The following SLC10A2 variants were observed in gnomAD, a reference collection of about 807,000 sequenced individuals.
SLC10A2 encodes ileal sodium/bile acid cotransporter.
SLC10A2 carries 34 observed loss-of-function variants against 27.1 expected under a neutral mutation model. The observed-to-expected ratio is 1.26, with a 90% CI of 0.96 to 1.67. SLC10A2 has a LOEUF of 1.67. SLC10A2 is among the 40% of genes most tolerant of loss of function. The probability of loss-of-function intolerance (pLI) is 0.00; values close to 1 mark genes in which losing one functional copy is unlikely to be tolerated. For synonymous variants in SLC10A2, 205 were observed against 174.0 expected (o/e 1.18, Z -1.40); for missense variants, 530 against 444.4 (o/e 1.19, Z -1.73).
At position 103,053,004 on chromosome 13, in the gene SLC10A2, C is replaced by T. The variant is rs188107420; in HGVS notation, c.497-296G>A. On this transcript the variant is annotated intron_variant, in intron 2 of 5. Coordinates refer to ENST00000245312, the MANE Select transcript of SLC10A2 (RefSeq NM_000452.3). Reference sequence around the variant, plus strand: ...TAGAGTTTCTTATTTTGCCAGCATACATTAGTTTTAATTTGTCAGAATCTT... The same window carrying T: ...TAGAGTTTCTTATTTTGCCAGCATATATTAGTTTTAATTTGTCAGAATCTT... Among the ~76,000 whole-genome samples the T allele has an allele frequency of 3.2e-3, 483 of 150,954 alleles. 13 individuals carry two copies. The highest frequency in any genetic ancestry group is 6.3e-4 in the Non-Finnish European group (43 of 67,836).
At chr13:103,053,563 G>T (rs1183547496) in intron 2 of SLC10A2, among the ~76,000 whole-genome samples, 1 of 152,082 alleles carries the variant, frequency 6.6e-6, no homozygotes, top group African/African-American at 2.4e-5. Flanking sequence ...CTTTTCATAG[G>T]TTGTTTCTTT....
chr13:103,052,145 G>A (rs1875801853), intron 3 of SLC10A2, among the ~76,000 whole-genome samples: 1 of 152,160 alleles, frequency 6.6e-6, no homozygotes, highest in Non-Finnish European at 1.5e-5. Flanking sequence ...TATGCATACA[G>A]ACATAAGAAA....
In SLC10A2 at chr13:103,045,775, A is replaced by G. The variant is rs1201944801; in HGVS notation, c.*358T>C. ...CATACAGAAAGTCAGGTTGTCATCT[A>G]TGGGCTAGGAAATTCTGCATAAGAA... On this transcript the variant is annotated 3_prime_UTR_variant, in exon 6 of 6. Transcript: ENST00000245312. 2 of 177,988 alleles carry G rather than the reference A, an allele frequency of 1.1e-5. No homozygotes were observed. Among genetic ancestry groups the G allele is most frequent in the Non-Finnish European group, 2.4e-5 (2 of 83,686 alleles). 11.0% of individuals were successfully genotyped at this position (177,988 alleles called of 1,614,324 possible). A position where few individuals can be genotyped will look rare whatever the true frequency, so the allele number is the denominator to read the frequency against.
intron 2 of SLC10A2, among the ~76,000 whole-genome samples, chr13:103,056,253 G>A (rs536557695): frequency 1.3e-5 from 2 of 152,134 alleles, no homozygotes; most frequent in Non-Finnish European, 2.9e-5. Flanking sequence ...TTCTGTTTCT[G>A]AATAAATATT....
At position 103,066,334 on chromosome 13, in the gene SLC10A2, GTT is replaced by G. The variant is rs1283073173; in HGVS notation, c.-87_-86del. The G allele has an allele frequency of 2.7e-6, 4 of 1,460,584 alleles. No individual in the cohort carries two copies. The East Asian group carries it at 6.9e-5, about 25-fold the overall frequency. 90.5% of individuals were successfully genotyped at this position (1,460,584 alleles called of 1,614,324 possible). On this transcript the variant is annotated 5_prime_UTR_variant, in exon 1 of 6. Transcript: ENST00000245312. ...TCTGCTGCTGGTTGAGTTAAGCAAC[GTT>G]TACTTCTACCCCATCAAACTTTTAA...
intron 1 of SLC10A2, among the ~76,000 whole-genome samples, chr13:103,060,443 G>A (rs1404184570): frequency 1.3e-5 from 2 of 149,004 alleles, no homozygotes; most frequent in Admixed American, 6.7e-5. Context: ...AGAGTACAGG[G>A]TCACCAACTT....
At chr13:103,060,414 T>G (rs931057488) in intron 1 of SLC10A2, among the ~76,000 whole-genome samples, 6 of 148,950 alleles carry the variant, frequency 4.0e-5, no homozygotes, top group African/African-American at 1.5e-4. Flanking sequence ...AAATAGGGTC[T>G]CTCTCTGTCA....
At chr13:103,055,453 GGCTATTCCA>G (rs1280650525) in intron 2 of SLC10A2, among the ~76,000 whole-genome samples, 2 of 152,054 alleles carry the variant, frequency 1.3e-5, no homozygotes, top group African/African-American at 4.8e-5. Context: ...ATAGACTGTG[GGCTATTCCA>G]GCTTCCTGGT....
Position 103,065,971 on chromosome 13 carries a change from G to T in SLC10A2, c.279C>A (p.Leu93=). ...TGAGCACCACTACGGCCTGGAGCGGGAGGATGTCAAAGGCCACCGACAGGA... is the reference window on the plus strand; with the variant it reads ...TGAGCACCACTACGGCCTGGAGCGGTAGGATGTCAAAGGCCACCGACAGGA... ...GFILSVAFDI[L]PLQAVVVLII... Residue 93 remains leucine (L), a synonymous_variant, in exon 1 of 6, where the codon CTC becomes CTA. Coordinates refer to ENST00000245312, the MANE Select transcript of SLC10A2 (RefSeq NM_000452.3). 1 of 1,614,146 alleles carries T rather than the reference G, an allele frequency of 6.2e-7. No individual in the cohort carries two copies. Among genetic ancestry groups the T allele is most frequent in the South Asian group, 1.1e-5 (1 of 91,084 alleles).
In SLC10A2 at chr13:103,066,013, C is replaced by T. The variant is rs1384271323; in HGVS notation, c.237G>A (p.Met79Ile). Residue 79 changes from methionine to isoleucine, a missense_variant, in exon 1 of 6, where the codon ATG becomes ATA. Transcript: ENST00000245312. The part of the protein sequence containing the change: ...CVGFLCQFGI[M>I]PLTGFILSVA... ...CCGACAGGATGAATCCTGTGAGGGG[C>T]ATGATTCCAAACTGACAGAGGAAGC... is the stretch of plus-strand genomic sequence containing the variant. 1 of 1,614,066 alleles carries T rather than the reference C, an allele frequency of 6.2e-7. No individual in the cohort carries two copies. Among genetic ancestry groups the T allele is most frequent in the East Asian group, 2.2e-5 (1 of 44,900 alleles).
intron 1 of SLC10A2, among the ~76,000 whole-genome samples, chr13:103,060,840 G>T (rs1876094304): frequency 6.6e-6 from 1 of 151,954 alleles, no homozygotes; most frequent in African/African-American, 2.4e-5. Context: ...TATTATGGGT[G>T]TACTTGAAAG....
At position 103,066,075 on chromosome 13, in the gene SLC10A2, G is replaced by T; in HGVS notation, c.175C>A (p.Leu59Ile). The change falls in exon 1 of 6, where the codon CTA becomes ATA. Residue 59 changes from leucine (L) to isoleucine (I), a missense_variant. Transcript: ENST00000245312. ...CCCCACGGCCGCTTTATGTGCCCTA[G>T]AAATTTCTTGATTTCCACGTTGCAT... Reference protein sequence around the residue: ...MGCNVEIKKFLGHIKRPWGIC... With the variant: ...MGCNVEIKKFIGHIKRPWGIC... The T allele has an allele frequency of 1.2e-6, 2 of 1,614,198 alleles. No individual in the cohort carries two copies. Among genetic ancestry groups the T allele is most frequent in the South Asian group, 1.1e-5 (1 of 91,080 alleles).
In SLC10A2 at chr13:103,044,043, T is replaced by C. The variant is rs573874959; in HGVS notation, c.*2090A>G. The C allele has an allele frequency of 6.6e-6, 1 of 152,296 alleles. No individual in the cohort carries two copies. Among genetic ancestry groups the C allele is most frequent in the African/African-American group, 2.4e-5 (1 of 41,580 alleles). The allele number at this position is 152,296 out of a possible 1,614,324, so 9.4% of individuals were successfully genotyped here. A position where few individuals can be genotyped will look rare whatever the true frequency, so the allele number is the denominator to read the frequency against. ...TATTTAAGCCTTTAAAATAAAATAT[T>C]CATTTAATATGATACTCAGAGGCAA... On this transcript the variant is annotated 3_prime_UTR_variant, in exon 6 of 6. Transcript: ENST00000245312.
intron 2 of SLC10A2, among the ~76,000 whole-genome samples, chr13:103,056,237 C>T (rs1287039561): frequency 6.6e-6 from 1 of 152,324 alleles, no homozygotes; most frequent in East Asian, 1.9e-4. Flanking sequence ...TACTGAGGAA[C>T]AAGTATTCTG....
intron 4 of SLC10A2, 98 bp downstream of exon 4, chr13:103,051,159 C>A (rs1875764698): frequency 3.4e-6 from 4 of 1,180,772 alleles, no homozygotes; most frequent in Non-Finnish European, 3.8e-6. Flanking sequence ...GTTGTTTAAG[C>A]CACTCAGTTT....
intron 4 of SLC10A2, among the ~76,000 whole-genome samples, chr13:103,050,774 AT>A (rs1875755201): frequency 6.6e-6 from 1 of 152,190 alleles, no homozygotes; most frequent in Non-Finnish European, 1.5e-5. Context: ...AGGGCTAAGG[AT>A]TTTGATCCTG....
At chr13:103,060,637 A>G (rs1467373911) in intron 1 of SLC10A2, among the ~76,000 whole-genome samples, 1 of 151,960 alleles carries the variant, frequency 6.6e-6, no homozygotes, top group Non-Finnish European at 1.5e-5. Context: ...AGGCCTTCCA[A>G]AGTGCTGGGA....
At chr13:103,057,229 A>G (rs1005851866) in intron 2 of SLC10A2, among the ~76,000 whole-genome samples, 2 of 152,154 alleles carry the variant, frequency 1.3e-5, no homozygotes, top group Non-Finnish European at 2.9e-5. Context: ...TATTTTGCCC[A>G]CATCTTGTCT....
chr13:103,049,645 T>C (rs1307311070), intron 4 of SLC10A2, among the ~76,000 whole-genome samples, 199 bp from the exon 5 acceptor site: 1 of 152,106 alleles, frequency 6.6e-6, no homozygotes, highest in Non-Finnish European at 1.5e-5. Flanking sequence ...TCATCTCACC[T>C]ATTGTATATA....
Sources: gnomAD v4.1 joint callset for allele counts (sites outside exome capture counted in the v4.1 genomes callset) on GRCh38, gnomAD v4.1.1 for gene constraint, MANE v1.5 for transcripts, NCBI Gene and HGNC (gene_info 2026-07-23, HGNC 2026-07-21) for gene names.